The following PIGF variants were observed in gnomAD, a reference collection of about 807,000 sequenced individuals.
PIGF encodes GPI ethanolamine phosphate transferase, stabilizing subunit.
In PIGF, 23 loss-of-function variants were observed where a neutral mutation model predicts 26.0. That is an observed-to-expected ratio of 0.88 (90% CI 0.64 to 1.25). The LOEUF (loss-of-function observed/expected upper bound fraction) is 1.25, where lower values mean the gene tolerates loss of function less well. PIGF is among the 50% of genes most tolerant of loss of function. The probability of loss-of-function intolerance (pLI) is 0.00; values close to 1 mark genes in which losing one functional copy is unlikely to be tolerated. For missense variants in PIGF, 278 were observed against 249.9 expected (o/e 1.11, Z -0.76); for synonymous variants, 93 against 92.6 (o/e 1.00, Z -0.03).
At chr2:46,612,733 T>C (rs569511596) in intron 3 of PIGF, among the ~76,000 whole-genome samples, 1 of 152,154 alleles carries the variant, frequency 6.6e-6, no homozygotes, top group Non-Finnish European at 1.5e-5. Flanking sequence ...TATTGAATAC[T>C]AGTTGTAGTG....
At chr2:46,616,641 C>G (rs1017625874) in intron 1 of PIGF, 1 of 155,306 alleles carries the variant, frequency 6.4e-6, no homozygotes. Context: ...TCGCGGGCAT[C>G]GCCGCACCTT....
At chr2:46,605,411 T>A (rs1000513507) in intron 4 of PIGF, among the ~76,000 whole-genome samples, 3 of 152,116 alleles carry the variant, frequency 2.0e-5, no homozygotes, top group African/African-American at 7.2e-5. Context: ...ACTGTGCTCC[T>A]TGGTCTGTCA....
rs1392865996 is a variant in PIGF at position 46,589,951 on chromosome 2, A to G, written c.546+2524T>C. ...CAAGGAGCAGATGAGTGCTATATGAATAAAAGATTTTTAATTATACATCAA... is the reference window on the plus strand; with the variant it reads ...CAAGGAGCAGATGAGTGCTATATGAGTAAAAGATTTTTAATTATACATCAA... On this transcript the variant is annotated intron_variant, in intron 5 of 5. Transcript: ENST00000281382. This position sits in a 1 kb window ranked among gnomAD's most constrained non-coding sequence, Gnocchi z 4.7. Among the ~76,000 whole-genome samples, 1 of 152,090 alleles carries G rather than the reference A, an allele frequency of 6.6e-6. No homozygotes were observed. Among genetic ancestry groups the G allele is most frequent in the East Asian group, 1.9e-4 (1 of 5,198 alleles).
chr2:46,599,055 T>C (rs1363615164), intron 4 of PIGF, among the ~76,000 whole-genome samples: 1 of 152,184 alleles, frequency 6.6e-6, no homozygotes, highest in Non-Finnish European at 1.5e-5. Flanking sequence ...CCCAGTACTT[T>C]GGGCCAACCA....
At chr2:46,614,087 C>A (rs553920123) in intron 2 of PIGF, 2 of 209,452 alleles carry the variant, frequency 9.5e-6, no homozygotes, top group Admixed American at 5.9e-5. Context: ...CAATATTTAT[C>A]AAATACTGAT....
chr2:46,603,737 C>A (rs1670131509), intron 4 of PIGF, among the ~76,000 whole-genome samples: 2 of 151,944 alleles, frequency 1.3e-5, no homozygotes, highest in African/African-American at 2.4e-5. Context: ...AATTTAAGAC[C>A]ACAAACTATG....
In PIGF at chr2:46,588,370, G is replaced by A; in HGVS notation, c.546+4105C>T. ...TATATGAGAACTCAAATAAATCATG[G>A]AATTTGCATTTTTTGAAGGCTAAAA... On this transcript the variant is annotated intron_variant, in intron 5 of 5. Transcript: ENST00000281382. This position sits in a 1 kb window ranked among gnomAD's most constrained non-coding sequence, Gnocchi z 4.1. 1 of 720,764 alleles carries A rather than the reference G, an allele frequency of 1.4e-6. No homozygotes were observed. The highest frequency in any genetic ancestry group is 2.1e-6 in the Non-Finnish European group (1 of 479,412). The allele number at this position is 720,764 out of a possible 1,614,324, so 44.6% of individuals were successfully genotyped here.
chr2:46,614,244 TCA>T (rs961448279), intron 2 of PIGF: 18 of 152,912 alleles, frequency 1.2e-4, no homozygotes, highest in African/African-American at 3.9e-4. Flanking sequence ...ATTCTTGAAA[TCA>T]CACTCATATT....
At chr2:46,605,463 C>T (rs1451156) in intron 4 of PIGF, among the ~76,000 whole-genome samples, 84,236 of 151,910 alleles carry the variant, frequency 0.55, 24,629 homozygotes, top group African/African-American at 0.74. Context: ...GCAGTAAGGA[C>T]TGAAAGTATG....
intron 4 of PIGF, among the ~76,000 whole-genome samples, chr2:46,610,181 A>G (rs779466004): frequency 1.1e-4 from 17 of 152,174 alleles, no homozygotes; most frequent in Non-Finnish European, 2.2e-4. Flanking sequence ...TCTTTCCCAT[A>G]AGCTCTGTGG....
intron 4 of PIGF, among the ~76,000 whole-genome samples, chr2:46,610,473 T>C (rs1334683814): frequency 4.0e-5 from 6 of 151,692 alleles, no homozygotes; most frequent in Non-Finnish European, 8.8e-5. Context: ...TTCTGTTTTC[T>C]AGAGACTTTA....
At chr2:46,585,501 C>T (rs1190137102) in intron 5 of PIGF, among the ~76,000 whole-genome samples, 1 of 152,128 alleles carries the variant, frequency 6.6e-6, no homozygotes. Flanking sequence ...TCAGTTTCCC[C>T]TACAGAACAG....
intron 4 of PIGF, 31 bp from the exon 5 acceptor site, chr2:46,592,614 G>A (rs1439842166): frequency 5.5e-6 from 6 of 1,083,000 alleles, no homozygotes; most frequent in African/African-American, 1.5e-5. Context: ...CATCGTTGGT[G>A]GTATATACAT....
At chr2:46,604,710 G>A (rs1231557772) in intron 4 of PIGF, among the ~76,000 whole-genome samples, 1 of 151,848 alleles carries the variant, frequency 6.6e-6, no homozygotes, top group East Asian at 1.9e-4. Flanking sequence ...CACAGGCTGG[G>A]AAGGGTAGTA....
At chr2:46,594,936 C>T (rs528310910) in intron 4 of PIGF, among the ~76,000 whole-genome samples, 2 of 151,660 alleles carry the variant, frequency 1.3e-5, no homozygotes, top group Non-Finnish European at 2.9e-5. Context: ...CTGCAACGTC[C>T]GCCTCCCGGA....
At position 46,590,379 on chromosome 2, in the gene PIGF, T is replaced by C. The variant is rs972531097; in HGVS notation, c.546+2096A>G. Among the ~76,000 whole-genome samples the C allele has an allele frequency of 4.6e-5, 7 of 152,162 alleles. No individual in the cohort carries two copies. The East Asian group carries it at 1.3e-3, about 29-fold the overall frequency. On this transcript the variant is annotated intron_variant, in intron 5 of 5. Coordinates refer to ENST00000281382, the MANE Select transcript of PIGF (RefSeq NM_002643.4). ...GTAAATAATTAAGATATATATTTTC[T>C]AAGCAAACCTAAACACATATTTTAT...
intron 1 of PIGF, 177 bp from the exon 2 acceptor site, chr2:46,615,362 C>G: frequency 4.4e-6 from 2 of 452,464 alleles, no homozygotes; most frequent in Non-Finnish European, 8.0e-6. Flanking sequence ...TCTATTCTAC[C>G]TTTGATTTTC....
At chr2:46,606,126 C>T (rs528035187) in intron 4 of PIGF, among the ~76,000 whole-genome samples, 24 of 152,128 alleles carry the variant, frequency 1.6e-4, no homozygotes, top group Admixed American at 6.5e-5. Context: ...AAGTTAAGTA[C>T]TGGCAAACTC....
intron 5 of PIGF, among the ~76,000 whole-genome samples, chr2:46,583,713 T>C (rs1453812726): frequency 2.0e-5 from 3 of 152,332 alleles, no homozygotes; most frequent in Non-Finnish European, 4.4e-5. Flanking sequence ...TAGGCTTCAA[T>C]AGAAATTCAG....
Sources: allele counts gnomAD v4.1 joint callset (sites outside exome capture counted in the v4.1 genomes callset), GRCh38; gene constraint gnomAD v4.1.1; non-coding constraint Gnocchi (gnomAD v3.1); transcripts MANE v1.5; gene names NCBI Gene and HGNC (gene_info 2026-07-23, HGNC 2026-07-21).